The following SEPTIN7 variants were observed in gnomAD, a reference collection of about 807,000 sequenced individuals.
SEPTIN7 encodes septin 7, also known as septin-7.
Under a neutral mutation model 63.3 loss-of-function variants are expected in SEPTIN7, and 10 were observed. The ratio of observed to expected loss-of-function variants is 0.16; its 90% CI spans 0.10 to 0.27. The LOEUF is 0.27. Among genes scored for constraint, SEPTIN7 ranks in the 10% least tolerant of loss-of-function variants. The pLI is 1.00. For synonymous variants in SEPTIN7, 131 were observed against 165.3 expected, an observed-to-expected ratio of 0.79 and a Z score of 1.59; for missense variants, 310 against 521.0, an observed-to-expected ratio of 0.59 and a Z score of 3.94.
At chr7:35,838,169 T>C (rs1480446431) in intron 3 of SEPTIN7, among the ~76,000 whole-genome samples, 1 of 152,064 alleles carries the variant, frequency 6.6e-6, no homozygotes, top group African/African-American at 2.4e-5. Flanking sequence ...TTGGTAGGCA[T>C]TGACATTTTT....
At chr7:35,830,261 G>C (rs1043844065) in intron 1 of SEPTIN7, among the ~76,000 whole-genome samples, 4 of 152,126 alleles carry the variant, frequency 2.6e-5, no homozygotes, top group African/African-American at 4.8e-5. Context: ...TGTATGTTTG[G>C]GGGGTAGTTA....
At chr7:35,887,689 C>T (rs760204323) in intron 10 of SEPTIN7, among the ~76,000 whole-genome samples, 42 of 152,172 alleles carry the variant, frequency 2.8e-4, no homozygotes, top group Non-Finnish European at 5.1e-4. Flanking sequence ...CACAGCCTGG[C>T]GGCTAGTGAG....
chr7:35,849,955 T>G (rs956823012), intron 3 of SEPTIN7, among the ~76,000 whole-genome samples: 1 of 152,256 alleles, frequency 6.6e-6, no homozygotes, highest in Non-Finnish European at 1.5e-5. Flanking sequence ...AATGTTAATG[T>G]AATCTGGCAT....
chr7:35,885,491 C>T (rs1444872331), intron 9 of SEPTIN7, among the ~76,000 whole-genome samples: 1 of 152,122 alleles, frequency 6.6e-6, no homozygotes, highest in Non-Finnish European at 1.5e-5. Context: ...TCCCTTCACT[C>T]ACACCACTGA....
At chr7:35,841,397 G>A (rs1784400519) in intron 3 of SEPTIN7, among the ~76,000 whole-genome samples, 1 of 152,070 alleles carries the variant, frequency 6.6e-6, no homozygotes, top group South Asian at 2.1e-4. Flanking sequence ...ATCTGTTTTT[G>A]CTTCTCATAC....
At chr7:35,902,490 A>G (rs1427818887) in intron 12 of SEPTIN7, 1 of 152,188 alleles carries the variant, frequency 6.6e-6, no homozygotes, top group Non-Finnish European at 1.5e-5. Context: ...ATTTTTAACA[A>G]ACATCCCAGG....
rs1226622793 is a variant in SEPTIN7, at chr7:35,905,469, A to G, written c.*1176A>G. On this transcript the variant is annotated 3_prime_UTR_variant, in exon 14 of 14. Coordinates refer to ENST00000350320, the MANE Select transcript of SEPTIN7 (RefSeq NM_001788.6). ...CTGATTTTCTAATTTAAGAGATACC[A>G]TATCTCTCTATTCATTTCTATCTCT... is the stretch of plus-strand genomic sequence containing the variant. 5 of 152,038 alleles carry G rather than the reference A, an allele frequency of 3.3e-5. No individual in the cohort carries two copies. In the East Asian group the frequency reaches 7.7e-4, roughly 23 times the overall value. The allele number at this position is 152,038 out of a possible 1,614,324, so 9.4% of individuals were successfully genotyped here. A position where few individuals can be genotyped will look rare whatever the true frequency, so the allele number is the denominator to read the frequency against.
At chr7:35,914,973 T>C in the SEPTIN7 span, among the ~76,000 whole-genome samples, 3 of 152,080 alleles carry the variant, frequency 2.0e-5, no homozygotes, top group African/African-American at 7.2e-5. Context: ...TATATTTATG[T>C]ACACATATGC....
chr7:35,865,882 G>C (rs558482704), intron 4 of SEPTIN7, among the ~76,000 whole-genome samples: 13 of 152,190 alleles, frequency 8.5e-5, no homozygotes, highest in African/African-American at 3.1e-4. Context: ...CATTGGCCTA[G>C]CTTCAAAATA....
At chr7:35,879,737 A>G (rs1271047899) in intron 6 of SEPTIN7, 86 bp from the exon 7 acceptor site, 6 of 769,514 alleles carry the variant, frequency 7.8e-6, no homozygotes, top group Admixed American at 6.2e-5. Context: ...AAGTAGTTAC[A>G]TTGTATTTAA....
At chr7:35,873,534 G>A in intron 5 of SEPTIN7, 107 bp from the exon 6 acceptor site, 1 of 1,014,560 alleles carries the variant, frequency 9.9e-7, no homozygotes, top group Non-Finnish European at 1.4e-6. Context: ...ATCTTCTACT[G>A]GTAAATTCAT....
chr7:35,827,202 T>C (rs2115843113), intron 1 of SEPTIN7, among the ~76,000 whole-genome samples: 1 of 152,350 alleles, frequency 6.6e-6, no homozygotes, highest in African/African-American at 2.4e-5. Flanking sequence ...TGACTAATGT[T>C]TGAAATCAAG....
At position 35,827,453 on chromosome 7, in the gene SEPTIN7, A is replaced by C. The variant is rs1414062181; in HGVS notation, c.62-4039A>C. The stretch of plus-strand genomic sequence containing the variant: ...TTTAGGGTATGGAAAAATTCTTATG[A>C]GATATGACAAGTCTATATGTTTTAA... On this transcript the variant is annotated intron_variant, in intron 1 of 13. Transcript: ENST00000350320. Among the ~76,000 whole-genome samples, 7 of 152,280 alleles carry C rather than the reference A, an allele frequency of 4.6e-5. No individual in the cohort carries two copies. In the South Asian group the frequency reaches 1.2e-3, roughly 27 times the overall value.
chr7:35,804,379 G>C (rs536525181), intron 1 of SEPTIN7, among the ~76,000 whole-genome samples: 1 of 152,308 alleles, frequency 6.6e-6, no homozygotes, highest in South Asian at 2.1e-4. Flanking sequence ...CTTTGAGCAT[G>C]GGCTTGGGGA....
chr7:35,878,951 A>C (rs979609690), intron 6 of SEPTIN7, among the ~76,000 whole-genome samples: 4 of 152,208 alleles, frequency 2.6e-5, no homozygotes, highest in African/African-American at 9.6e-5. Context: ...TTGTAGTCAT[A>C]ATAATTGTAC....
At chr7:35,858,544 C>T (rs769731740) in intron 3 of SEPTIN7, among the ~76,000 whole-genome samples, 4 of 151,912 alleles carry the variant, frequency 2.6e-5, no homozygotes, top group African/African-American at 4.8e-5. Flanking sequence ...TTAGTAGAGA[C>T]GTGGTTTCAC....
chr7:35,892,518 G>A (rs559279328), intron 11 of SEPTIN7, among the ~76,000 whole-genome samples: 1 of 152,142 alleles, frequency 6.6e-6, no homozygotes, highest in South Asian at 2.1e-4. Flanking sequence ...TAAAGTACTA[G>A]TACATATTTT....
chr7:35,856,275 G>T (rs543359153), intron 3 of SEPTIN7, among the ~76,000 whole-genome samples: 1 of 152,142 alleles, frequency 6.6e-6, no homozygotes, highest in African/African-American at 2.4e-5. Flanking sequence ...GCTCACCAGC[G>T]TACATTGGTC....
At chr7:35,832,056 T>C (rs1392937697) in intron 2 of SEPTIN7, 3 of 452,482 alleles carry the variant, frequency 6.6e-6, no homozygotes, top group East Asian at 7.1e-5. Flanking sequence ...GTCAGACTTA[T>C]TTACTACACC....
Sources: gnomAD v4.1 joint callset for allele counts (sites outside exome capture counted in the v4.1 genomes callset) on GRCh38, gnomAD v4.1.1 for gene constraint, MANE v1.5 for transcripts, NCBI Gene and HGNC (gene_info 2026-07-23, HGNC 2026-07-21) for gene names.